Variants in ROBO2 observed in about 807,000 individuals in gnomAD.
ROBO2 encodes the protein roundabout guidance receptor 2.
In ROBO2, 53 loss-of-function variants were observed where a neutral mutation model predicts 160.8. The observed-to-expected ratio is 0.33, with a 90% CI of 0.26 to 0.41. ROBO2 has a LOEUF of 0.41. ROBO2 is among the 10% of genes least tolerant of loss of function. The pLI is 1.00. For synonymous variants in ROBO2, 664 were observed against 611.7 expected, an observed-to-expected ratio of 1.09 and a Z score of -1.26; for missense variants, 1,577 against 1,722.4, an observed-to-expected ratio of 0.92 and a Z score of 1.49.
chr3:76,903,290 A>C (rs1420047549), intron 2 of ROBO2, among the ~76,000 whole-genome samples: 4 of 152,090 alleles, frequency 2.6e-5, no homozygotes, highest in Non-Finnish European at 5.9e-5. Context: ...TATTGGTTTG[A>C]CAAAATTATT....
intron 6 of ROBO2, among the ~76,000 whole-genome samples, chr3:77,545,781 A>G (rs2092674929): frequency 6.6e-6 from 1 of 152,108 alleles, no homozygotes; most frequent in Non-Finnish European, 1.5e-5. Context: ...ACCCTTGTAT[A>G]TAATTCCCAT....
At chr3:76,411,244 T>C (rs1480577543) in intron 2 of ROBO2, among the ~76,000 whole-genome samples, 1 of 152,072 alleles carries the variant, frequency 6.6e-6, no homozygotes, top group Admixed American at 6.5e-5. Context: ...CAAACATATA[T>C]CAAGGTTTCT....
chr3:76,358,308 T>G (rs2075298954), intron 2 of ROBO2, among the ~76,000 whole-genome samples: 1 of 152,018 alleles, frequency 6.6e-6, no homozygotes, highest in Non-Finnish European at 1.5e-5. Context: ...TCTTCCATTC[T>G]CCCACATATT....
intron 2 of ROBO2, among the ~76,000 whole-genome samples, chr3:77,107,549 C>A (rs1289604691): frequency 1.3e-5 from 2 of 152,134 alleles, no homozygotes; most frequent in Admixed American, 6.5e-5. Context: ...GGTATAGCAT[C>A]TATTTGCATA....
At chr3:76,670,405 C>G (rs2092221784) in intron 2 of ROBO2, among the ~76,000 whole-genome samples, 1 of 151,480 alleles carries the variant, frequency 6.6e-6, no homozygotes, top group African/African-American at 2.4e-5. Flanking sequence ...TGGCCTTCAT[C>G]ATCCCATGGG....
intron 2 of ROBO2, among the ~76,000 whole-genome samples, chr3:77,367,492 G>A (rs776672313): frequency 4.7e-4 from 71 of 151,660 alleles, no homozygotes; most frequent in Non-Finnish European, 6.3e-4. Context: ...GATCATAACC[G>A]GACTCGCGAT....
intron 2 of ROBO2, among the ~76,000 whole-genome samples, chr3:76,182,264 T>C (rs1281924006): frequency 6.6e-6 from 1 of 152,196 alleles, no homozygotes; most frequent in African/African-American, 2.4e-5. Context: ...AATTACAACC[T>C]GTCCCTTAGG....
intron 2 of ROBO2, among the ~76,000 whole-genome samples, chr3:76,393,743 A>G (rs1049984469): frequency 2.0e-5 from 3 of 152,164 alleles, no homozygotes; most frequent in Admixed American, 6.6e-5. Flanking sequence ...TTTTTGAGCC[A>G]TCTCTGGACA....
At chr3:76,780,888 G>C (rs1357305369) in intron 2 of ROBO2, among the ~76,000 whole-genome samples, 1 of 149,424 alleles carries the variant, frequency 6.7e-6, no homozygotes, top group Admixed American at 6.7e-5. Context: ...AGAGTGCTTT[G>C]GTTATTCAGT....
chr3:76,972,414 C>G (rs978445251), intron 2 of ROBO2, among the ~76,000 whole-genome samples: 5 of 151,750 alleles, frequency 3.3e-5, no homozygotes, highest in Non-Finnish European at 7.4e-5. Flanking sequence ...TTTCTGACTC[C>G]TAAGTTTTTT....
At chr3:76,272,846 A>ATAAAATATATATT (rs1559705863) in intron 2 of ROBO2, among the ~76,000 whole-genome samples, 1 of 2,490 alleles carries the variant, frequency 4.0e-4, no homozygotes, top group African/African-American at 7.4e-4. Context: ...TATATTATAT[A>ATAAAATATATATT]TTATATATAA....
intron 2 of ROBO2, among the ~76,000 whole-genome samples, chr3:77,002,609 C>T (rs1480083368): frequency 6.6e-6 from 1 of 151,986 alleles, no homozygotes; most frequent in African/African-American, 2.4e-5. Context: ...CTCTAATACA[C>T]AAATATAATA....
At chr3:77,474,777 C>A (rs2083789986) in intron 2 of ROBO2, among the ~76,000 whole-genome samples, 1 of 152,116 alleles carries the variant, frequency 6.6e-6, no homozygotes, top group South Asian at 2.1e-4. Flanking sequence ...GGGAATACTT[C>A]ACCATGGCTA....
In ROBO2 at chr3:77,524,275, T is replaced by C. The variant is rs1031225510; in HGVS notation, c.934+1373T>C. Among the ~76,000 whole-genome samples, 9 of 111,842 alleles carry C rather than the reference T, an allele frequency of 8.0e-5. No homozygotes were observed. In the Admixed American group the frequency reaches 8.2e-4, roughly 10 times the overall value. The allele number at this position is 111,842 out of a possible 152,430, so 73.4% of individuals were successfully genotyped here. A position where few individuals can be genotyped will look rare whatever the true frequency, so the allele number is the denominator to read the frequency against. On this transcript the variant is annotated intron_variant, in intron 6 of 25. Coordinates refer to ENST00000461745, the Ensembl canonical transcript of ROBO2. ...GGTCATAAAGGACTATGATCATATA[T>C]GAATTGAATATATATATATATATGG...
At position 77,252,573 on chromosome 3, in the gene ROBO2, C is replaced by T. The variant is rs190155863; in HGVS notation, c.388+154233C>T. ...CTGTAATCCCAGCACTTTGGGAGGC[C>T]GAGGCGGGCAGATCATGAGGTCAGG... On this transcript the variant is annotated intron_variant, in intron 2 of 25. Coordinates refer to ENST00000461745, the Ensembl canonical transcript of ROBO2. Among the ~76,000 whole-genome samples, 1,134 of 151,176 alleles carry T rather than the reference C, an allele frequency of 7.5e-3. 13 individuals carry two copies. Among genetic ancestry groups the T allele is most frequent in the African/African-American group, 0.026 (1,066 of 41,222 alleles).
At chr3:76,625,402 C>T (rs2875404) in intron 2 of ROBO2, among the ~76,000 whole-genome samples, 114,023 of 152,044 alleles carry the variant, frequency 0.75, 43,356 homozygotes, top group South Asian at 0.91. Flanking sequence ...ACCAGAGTTA[C>T]TGCAGCAAAC....
intron 2 of ROBO2, among the ~76,000 whole-genome samples, chr3:77,230,267 A>G (rs1398816425): frequency 6.6e-6 from 1 of 152,148 alleles, no homozygotes; most frequent in South Asian, 2.1e-4. Context: ...TCCTTTTTGT[A>G]GAGACAGGGT....
intron 5 of ROBO2, among the ~76,000 whole-genome samples, chr3:77,504,948 A>G (rs2088256889): frequency 6.6e-6 from 1 of 152,204 alleles, no homozygotes; most frequent in Non-Finnish European, 1.5e-5. Context: ...AGCAATGGCT[A>G]TTTCAAAAGA....
At chr3:77,050,298 T>TGG in intron 1 of ROBO2, among the ~76,000 whole-genome samples, 3 of 152,036 alleles carry the variant, frequency 2.0e-5, no homozygotes, top group African/African-American at 7.3e-5. Flanking sequence ...TCTTAAGCAT[T>TGG]TCACCTTCCT....
Sources: gnomAD v4.1 joint callset for allele counts (sites outside exome capture counted in the v4.1 genomes callset) on GRCh38, gnomAD v4.1.1 for gene constraint, MANE v1.5 for transcripts, NCBI Gene and HGNC (gene_info 2026-07-23, HGNC 2026-07-21) for gene names.